ZNF475: variants seen among roughly 807,000 people sequenced by gnomAD.
The protein encoded by ZNF475 is zinc finger protein 475.
the ZNF475 span, among the ~76,000 whole-genome samples, chr5:122,161,023 C>A: frequency 6.6e-6 from 1 of 152,188 alleles, no homozygotes; most frequent in African/African-American, 2.4e-5. Flanking sequence ...GTCCCATGAA[C>A]AGAATCTCAC....
chr5:122,160,209 A>T, the ZNF475 span: 2 of 1,289,674 alleles, frequency 1.6e-6, no homozygotes, highest in South Asian at 1.2e-5. Context: ...CCTGCATATC[A>T]GGGCAGCATT....
At chr5:122,168,842 A>G in the ZNF475 span, among the ~76,000 whole-genome samples, 3 of 152,132 alleles carry the variant, frequency 2.0e-5, 1 homozygote, top group African/African-American at 7.2e-5. Flanking sequence ...CTCTATCCAA[A>G]ACAGCATAAC....
At chr5:122,182,548 G>T in the ZNF475 span, 1 of 1,534,814 alleles carries the variant, frequency 6.5e-7, no homozygotes, top group Non-Finnish European at 8.7e-7. Context: ...AGTGCCCACA[G>T]CCAGTTGGTT....
the ZNF475 span, among the ~76,000 whole-genome samples, chr5:122,173,278 C>CA: frequency 6.6e-6 from 1 of 152,112 alleles, no homozygotes; most frequent in South Asian, 2.1e-4. Context: ...TCAGAGAGGT[C>CA]ATCTAGAGAA....
the ZNF475 span, among the ~76,000 whole-genome samples, chr5:122,172,496 A>G: frequency 6.6e-6 from 1 of 152,194 alleles, no homozygotes; most frequent in Non-Finnish European, 1.5e-5. Flanking sequence ...GTTTTAGGGA[A>G]TCTACCAATC....
the ZNF475 span, chr5:122,163,158 G>GC: frequency 0.2 from 30,711 of 152,124 alleles, 4,996 homozygotes; most frequent in African/African-American, 0.45. Flanking sequence ...GCTTCTCCCT[G>GC]CCACTTCACA....
At chr5:122,164,391 C>T in the ZNF475 span, among the ~76,000 whole-genome samples, 1 of 152,194 alleles carries the variant, frequency 6.6e-6, no homozygotes, top group Admixed American at 6.5e-5. Context: ...GGCTGTTGGT[C>T]CATCAGCTTG....
At chr5:122,176,747 C>T in the ZNF475 span, among the ~76,000 whole-genome samples, 27 of 152,128 alleles carry the variant, frequency 1.8e-4, no homozygotes, top group African/African-American at 5.8e-4. Context: ...AGCTTGGAGG[C>T]TTTTTCTTGG....
chr5:122,179,574 GCAGTTGTTTGCTA>G, the ZNF475 span: 1 of 1,520,752 alleles, frequency 6.6e-7, no homozygotes, highest in Non-Finnish European at 8.8e-7. Context: ...GCGTCCACCA[GCAGTTGTTTGCTA>G]CATTTGTGGT....
At chr5:122,170,128 G>A in the ZNF475 span, among the ~76,000 whole-genome samples, 67 of 152,298 alleles carry the variant, frequency 4.4e-4, 1 homozygote, top group South Asian at 0.011. Context: ...TTAAAGTACC[G>A]TATTTTTATT....
the ZNF475 span, chr5:122,182,422 T>C: frequency 8.6e-6 from 11 of 1,281,966 alleles, no homozygotes; most frequent in South Asian, 1.9e-4. Flanking sequence ...TTTTACCTTT[T>C]TCTTTCCCTT....
At chr5:122,165,115 T>C in the ZNF475 span, among the ~76,000 whole-genome samples, 2 of 152,204 alleles carry the variant, frequency 1.3e-5, no homozygotes, top group Admixed American at 6.5e-5. Context: ...AGCAACAACA[T>C]CTGGGCTTCA....
the ZNF475 span, among the ~76,000 whole-genome samples, chr5:122,172,772 G>A: frequency 6.6e-6 from 1 of 152,108 alleles, no homozygotes; most frequent in Non-Finnish European, 1.5e-5. Flanking sequence ...GGTGGCTCAC[G>A]CCTGTAATTC....
At chr5:122,171,507 T>G in the ZNF475 span, among the ~76,000 whole-genome samples, 1 of 152,218 alleles carries the variant, frequency 6.6e-6, no homozygotes, top group Admixed American at 6.5e-5. Flanking sequence ...CTAATAATTT[T>G]GCTGAACTGT....
the ZNF475 span, chr5:122,179,772 T>A: frequency 7.4e-7 from 1 of 1,350,262 alleles, no homozygotes; most frequent in African/African-American, 1.5e-5. Context: ...AAGGGGAGAC[T>A]TTTCTCTCTA....
At chr5:122,163,831 A>G in the ZNF475 span, among the ~76,000 whole-genome samples, 2 of 152,216 alleles carry the variant, frequency 1.3e-5, no homozygotes, top group Admixed American at 1.3e-4. Context: ...CATGCCTTAA[A>G]GTACAGCTTC....
chr5:122,179,799 A>T, the ZNF475 span: 28 of 1,160,112 alleles, frequency 2.4e-5, no homozygotes, highest in East Asian at 7.8e-4. Flanking sequence ...TAAGAGCAGA[A>T]GTATTCTTTT....
At chr5:122,170,531 G>A in the ZNF475 span, among the ~76,000 whole-genome samples, 2 of 152,284 alleles carry the variant, frequency 1.3e-5, no homozygotes, top group African/African-American at 2.4e-5. Flanking sequence ...GGCAAAGTAC[G>A]GGGTTAGGGG....
At chr5:122,172,732 A>T in the ZNF475 span, among the ~76,000 whole-genome samples, 1 of 152,186 alleles carries the variant, frequency 6.6e-6, no homozygotes, top group African/African-American at 2.4e-5. Context: ...TATAATTAGT[A>T]TAAGAAGTGA....
Sources: allele counts gnomAD v4.1 joint callset (sites outside exome capture counted in the v4.1 genomes callset), GRCh38; gene constraint gnomAD v4.1.1; transcripts MANE v1.5; gene names NCBI Gene and HGNC (gene_info 2026-07-23, HGNC 2026-07-21).